Variants in MALRD1 observed in about 807,000 individuals in gnomAD.
MALRD1 encodes MAM and LDL-receptor class A domain-containing protein 1.
A neutral mutation model predicts 242.1 loss-of-function variants in MALRD1; 247 were observed. That is an observed-to-expected ratio of 1.02 (90% confidence interval 0.92 to 1.13). The LOEUF is 1.13. Ranked by LOEUF, MALRD1 falls within the 50% of genes most tolerant of loss-of-function variation. The pLI, the probability that MALRD1 is intolerant of heterozygous loss-of-function variation, is 0.00. For synonymous variants in MALRD1, 995 were observed against 866.6 expected (o/e 1.15, Z -2.60); for missense variants, 2,989 against 2,533.1 (o/e 1.18, Z -3.86).
chr10:19,439,548 T>C (rs35718159), intron 28 of MALRD1, among the ~76,000 whole-genome samples: 5 of 151,608 alleles, frequency 3.3e-5, no homozygotes, highest in Non-Finnish European at 5.9e-5. Context: ...AAAAAAAAAG[T>C]GGGGGATAAA....
intron 29 of MALRD1, among the ~76,000 whole-genome samples, chr10:19,466,337 G>A (rs7088993): frequency 0.86 from 131,363 of 152,170 alleles, 56,859 homozygotes; most frequent in East Asian, 1. Context: ...AATTTAGTCT[G>A]GATTTTCTTT....
At chr10:19,203,629 A>G (rs896945755) in intron 14 of MALRD1, 99 bp from the exon 15 acceptor site, 19 of 1,233,248 alleles carry the variant, frequency 1.5e-5, no homozygotes, top group African/African-American at 3.0e-5. Flanking sequence ...TCATGTGCAT[A>G]CAGAAGCATA....
intron 13 of MALRD1, among the ~76,000 whole-genome samples, chr10:19,169,960 G>C (rs1391835978): frequency 1.3e-5 from 2 of 152,118 alleles, no homozygotes; most frequent in African/African-American, 4.8e-5. Flanking sequence ...TGTGACCTCT[G>C]TGTTCCCTTT....
chr10:19,530,431 T>TAATAA (rs1564417459), intron 31 of MALRD1, among the ~76,000 whole-genome samples: 42 of 66,740 alleles, frequency 6.3e-4, no homozygotes, highest in African/African-American at 1.9e-3. Flanking sequence ...AAATATATAA[T>TAATAA]ATATATAATA....
At chr10:19,348,086 C>T (rs1645166006) in intron 25 of MALRD1, 68 bp downstream of exon 25, 2 of 1,489,868 alleles carry the variant, frequency 1.3e-6, no homozygotes, top group Non-Finnish European at 1.8e-6. Flanking sequence ...TATAAATTGA[C>T]ATACGGAAAA....
chr10:19,156,046 A>G (rs1482910575), intron 12 of MALRD1, among the ~76,000 whole-genome samples: 2 of 152,190 alleles, frequency 1.3e-5, no homozygotes, highest in Non-Finnish European at 2.9e-5. Flanking sequence ...GATTTCAGCT[A>G]ATTTTTCGTC....
At chr10:19,163,646 C>A (rs1489452873) in intron 12 of MALRD1, among the ~76,000 whole-genome samples, 1 of 151,974 alleles carries the variant, frequency 6.6e-6, no homozygotes, top group Non-Finnish European at 1.5e-5. Flanking sequence ...TACCCCTGAA[C>A]CTAAAATAGA....
Position 19,416,097 on chromosome 10 carries a change from C to A in MALRD1, c.4845+26488C>A, listed in dbSNP as rs180769541. Among the ~76,000 whole-genome samples, 51 of 152,272 alleles carry A rather than the reference C, an allele frequency of 3.3e-4. 1 individual carries two copies. The East Asian group carries it at 9.3e-3, about 28-fold the overall frequency. On this transcript the variant is annotated intron_variant, in intron 28 of 39. Transcript: ENST00000454679. Reference sequence around the variant, plus strand: ...CTAACTTCCAGGATAAACTGAAGTTCCTATTATCATGGATGTAGTTTGTGT... The same window carrying A: ...CTAACTTCCAGGATAAACTGAAGTTACTATTATCATGGATGTAGTTTGTGT...
intron 10 of MALRD1, among the ~76,000 whole-genome samples, chr10:19,140,746 T>G (rs577435143): frequency 4.6e-5 from 7 of 152,066 alleles, no homozygotes; most frequent in Non-Finnish European, 1.0e-4. Flanking sequence ...AAAGTTGAAT[T>G]TGTAGAAACA....
At chr10:19,599,449 GAAAAGA>G (rs1019556244) in intron 34 of MALRD1, among the ~76,000 whole-genome samples, 10 of 151,718 alleles carry the variant, frequency 6.6e-5, no homozygotes, top group African/African-American at 1.7e-4. Context: ...AAATATAAAA[GAAAAGA>G]AAAAGAAAAA....
rs1323696661 is a variant in MALRD1 at position 19,204,378 on chromosome 10, C to G, written c.2175C>G (p.Phe725Leu). ...TTGCTAAGCTTCAGAGCCCAACTTT[C>G]AGCCAGACAGGACCTGGATGCATAC... ...WQVAKLQSPT[F>L]SQTGPGCILS... is the part of the protein sequence containing the mutation. The change falls in exon 16 of 40, where the codon TTC (phenylalanine) becomes TTG (leucine). Residue 725 changes from phenylalanine to leucine, a missense_variant. Transcript: ENST00000454679. 7 of 1,536,848 alleles carry G rather than the reference C, an allele frequency of 4.6e-6. No individual in the cohort carries two copies. In the African/African-American group the frequency reaches 9.7e-5, roughly 21 times the overall value.
chr10:19,716,046 A>G (rs1437523306), intron 38 of MALRD1, among the ~76,000 whole-genome samples: 1 of 152,236 alleles, frequency 6.6e-6, no homozygotes, highest in Non-Finnish European at 1.5e-5. Context: ...CTTGAAGGGG[A>G]CAAAACATCC....
In MALRD1 at chr10:19,437,864, CT is replaced by C. The variant is rs561286986; in HGVS notation, c.4846-12436del. 8.5e-5 allele frequency among the ~76,000 whole-genome samples: 13 copies of C among 152,120 alleles called. No homozygotes were observed. The South Asian group carries it at 2.7e-3, about 32-fold the overall frequency. On this transcript the variant is annotated intron_variant, in intron 28 of 39. Transcript: ENST00000454679. ...ATCTCAATTCTATTATTCATTTAAG[CT>C]TTTTTTCTGAAATAATTTTGTCTTA...
intron 33 of MALRD1, among the ~76,000 whole-genome samples, chr10:19,581,971 G>A (rs1440306921): frequency 1.3e-5 from 2 of 152,208 alleles, no homozygotes; most frequent in African/African-American, 4.8e-5. Flanking sequence ...CTGATGGCCA[G>A]TGATGGTGAG....
At chr10:19,456,477 G>T (rs1835653709) in intron 29 of MALRD1, among the ~76,000 whole-genome samples, 1 of 152,084 alleles carries the variant, frequency 6.6e-6, no homozygotes, top group Non-Finnish European at 1.5e-5. Context: ...GATTCAAATT[G>T]AACTTGGGAG....
chr10:19,383,530 T>C (rs1845925746), intron 26 of MALRD1, among the ~76,000 whole-genome samples: 1 of 152,130 alleles, frequency 6.6e-6, no homozygotes, highest in South Asian at 2.1e-4. Flanking sequence ...TGTGTCTTTA[T>C]GGTAGAATGA....
At chr10:19,168,828 G>C (rs1312707671) in intron 13 of MALRD1, among the ~76,000 whole-genome samples, 1 of 152,072 alleles carries the variant, frequency 6.6e-6, no homozygotes, top group African/African-American at 2.4e-5. Flanking sequence ...CCTCAATGCT[G>C]AGTTCTTTCG....
chr10:19,058,996 C>T (rs1834745437), intron 1 of MALRD1, among the ~76,000 whole-genome samples: 1 of 152,088 alleles, frequency 6.6e-6, no homozygotes, highest in Non-Finnish European at 1.5e-5. Context: ...GGTAATTTTA[C>T]TTTTAGAAAT....
chr10:19,569,268 T>C (rs1836397820), intron 33 of MALRD1, among the ~76,000 whole-genome samples: 1 of 152,094 alleles, frequency 6.6e-6, no homozygotes, highest in Non-Finnish European at 1.5e-5. Flanking sequence ...CCCAGATGCA[T>C]GAGTTTCTCA....
Sources: gnomAD v4.1 joint callset for allele counts (sites outside exome capture counted in the v4.1 genomes callset) on GRCh38, gnomAD v4.1.1 for gene constraint, MANE v1.5 for transcripts, NCBI Gene and HGNC (gene_info 2026-07-23, HGNC 2026-07-21) for gene names.